Variants in GLRB observed in about 807,000 individuals in gnomAD.
GLRB encodes the protein glycine receptor beta.
Under a neutral mutation model 54.2 loss-of-function variants are expected in GLRB, and 33 were observed. The ratio of observed to expected loss-of-function variants is 0.61; its 90% CI spans 0.46 to 0.81. GLRB has a LOEUF of 0.81. Among genes scored for constraint, GLRB ranks in the 40% least tolerant of loss-of-function variants. The probability of loss-of-function intolerance (pLI) is 0.00; values close to 1 mark genes in which losing one functional copy is unlikely to be tolerated. For synonymous variants in GLRB, 209 were observed against 208.2 expected, an observed-to-expected ratio of 1.00 and a Z score of -0.03; for missense variants, 572 against 584.6, an observed-to-expected ratio of 0.98 and a Z score of 0.22.
At chr4:157,154,497 G>A (rs943324820) in intron 9 of GLRB, among the ~76,000 whole-genome samples, 5 of 137,022 alleles carry the variant, frequency 3.6e-5, no homozygotes, top group Admixed American at 8.1e-5. Context: ...GCGTGATCTC[G>A]GCTCACCGCA....
intron 2 of GLRB, among the ~76,000 whole-genome samples, chr4:157,119,609 AT>A (rs754212752): frequency 1.1e-4 from 16 of 151,644 alleles, no homozygotes; most frequent in Non-Finnish European, 2.4e-4. Context: ...AAATATATAT[AT>A]TTTTAATAAC....
At chr4:157,167,614 G>A (rs1255103046) in intron 9 of GLRB, among the ~76,000 whole-genome samples, 2 of 152,196 alleles carry the variant, frequency 1.3e-5, no homozygotes, top group Non-Finnish European at 2.9e-5. Context: ...CTGTGTGTGT[G>A]TGCATTTCCT....
chr4:157,080,637 T>TA (rs1734189708), intron 2 of GLRB, among the ~76,000 whole-genome samples: 1 of 152,182 alleles, frequency 6.6e-6, no homozygotes, highest in Non-Finnish European at 1.5e-5. Flanking sequence ...CAGAGAATGA[T>TA]CCAGTTTGCT....
Position 157,121,961 on chromosome 4 carries a change from C to G in GLRB, c.230-369C>G, listed in dbSNP as rs549810277. Among the ~76,000 whole-genome samples, 3 of 150,260 alleles carry G rather than the reference C, an allele frequency of 2.0e-5. No individual in the cohort carries two copies. In the South Asian group the frequency reaches 6.3e-4, roughly 32 times the overall value. ...TTAGAAAAATGCAAAAAAATGAAACCCTGTTTTCAAAATGATTCTTTAAGA... is the reference window on the plus strand; with the variant it reads ...TTAGAAAAATGCAAAAAAATGAAACGCTGTTTTCAAAATGATTCTTTAAGA... On this transcript the variant is annotated intron_variant, in intron 3 of 9. Coordinates refer to ENST00000264428, the MANE Select transcript of GLRB (RefSeq NM_000824.5).
At chr4:157,137,512 T>G (rs1484899734) in intron 6 of GLRB, among the ~76,000 whole-genome samples, 1 of 151,726 alleles carries the variant, frequency 6.6e-6, no homozygotes, top group Non-Finnish European at 1.5e-5. Flanking sequence ...GCAAGGAATG[T>G]TTAGCCTGAA....
At chr4:157,079,073 C>T (rs947644275) in intron 2 of GLRB, among the ~76,000 whole-genome samples, 5 of 152,076 alleles carry the variant, frequency 3.3e-5, no homozygotes, top group Admixed American at 3.3e-4. Flanking sequence ...CGCACCTGGC[C>T]AAGTCTTTTT....
chr4:157,105,262 A>G (rs971765592), intron 2 of GLRB, among the ~76,000 whole-genome samples: 1 of 151,636 alleles, frequency 6.6e-6, no homozygotes, highest in Admixed American at 6.6e-5. Context: ...GTATTTTCTA[A>G]TTTTAATATT....
intron 2 of GLRB, among the ~76,000 whole-genome samples, chr4:157,096,256 C>A (rs72978496): frequency 0.086 from 13,152 of 152,144 alleles, 753 homozygotes; most frequent in African/African-American, 0.17. Flanking sequence ...AAATCAAGCT[C>A]AGATTTTGAT....
chr4:157,152,281 G>A (rs952340725), intron 8 of GLRB, among the ~76,000 whole-genome samples: 2 of 151,654 alleles, frequency 1.3e-5, no homozygotes, highest in Admixed American at 6.6e-5. Flanking sequence ...TATATGTTCT[G>A]TTCTTGCTCT....
At chr4:157,091,780 G>A (rs1220552023) in intron 2 of GLRB, among the ~76,000 whole-genome samples, 3 of 152,090 alleles carry the variant, frequency 2.0e-5, no homozygotes, top group African/African-American at 7.2e-5. Context: ...CTGCCATGCT[G>A]CACTTCTTGG....
chr4:157,166,101 G>T (rs2126631005), intron 9 of GLRB, among the ~76,000 whole-genome samples: 1 of 151,294 alleles, frequency 6.6e-6, no homozygotes, highest in East Asian at 1.9e-4. Context: ...AGAGGCTAAA[G>T]TTGGAGGCAT....
intron 4 of GLRB, among the ~76,000 whole-genome samples, chr4:157,124,255 G>A (rs1183259822): frequency 6.6e-6 from 1 of 151,602 alleles, no homozygotes; most frequent in Non-Finnish European, 1.5e-5. Flanking sequence ...CTTTACCCTT[G>A]CTTTTTATTC....
At chr4:157,130,645 A>G (rs925910585) in intron 4 of GLRB, among the ~76,000 whole-genome samples, 3 of 151,562 alleles carry the variant, frequency 2.0e-5, no homozygotes, top group South Asian at 4.1e-4. Flanking sequence ...TTATTTGTTT[A>G]TCTGTTAATG....
chr4:157,095,503 G>A (rs183766357), intron 2 of GLRB, among the ~76,000 whole-genome samples: 6 of 152,136 alleles, frequency 3.9e-5, no homozygotes, highest in East Asian at 1.9e-4. Flanking sequence ...TAGGCTGGAG[G>A]TATACATTTA....
At chr4:157,135,675 A>G (rs1377032504) in intron 4 of GLRB, among the ~76,000 whole-genome samples, 1 of 152,130 alleles carries the variant, frequency 6.6e-6, no homozygotes, top group Non-Finnish European at 1.5e-5. Flanking sequence ...ATTCTTAGGT[A>G]TGTCTTTATT....
intron 2 of GLRB, among the ~76,000 whole-genome samples, chr4:157,113,692 A>G (rs1180260324): frequency 6.7e-6 from 1 of 150,328 alleles, no homozygotes; most frequent in Non-Finnish European, 1.5e-5. Context: ...AGGCTACAAC[A>G]GTTCCTGAAA....
chr4:157,122,318 T>A lies in GLRB; in HGVS notation c.230-12T>A, dbSNP rs1735855424. On this transcript the variant is annotated splice_polypyrimidine_tract_variant and intron_variant, in intron 3 of 9. Transcript: ENST00000264428. ...TACAGCTAATAAATATATTCTTAAT[T>A]TTTATTCATAGGCATTCCTGTTGAT... The A allele has an allele frequency of 8.9e-7, 1 of 1,127,504 alleles. No homozygotes were observed. Among genetic ancestry groups the A allele is most frequent in the Non-Finnish European group, 1.3e-6 (1 of 754,748 alleles). The allele number at this position is 1,127,504 out of a possible 1,614,324, so 69.8% of individuals were successfully genotyped here.
chr4:157,088,700 A>G (rs995850487), intron 2 of GLRB, among the ~76,000 whole-genome samples: 16 of 152,292 alleles, frequency 1.1e-4, no homozygotes, highest in African/African-American at 3.8e-4. Flanking sequence ...TAGCAAAAAA[A>G]GAACTTTTTT....
chr4:157,170,572 C>T lies in GLRB; in HGVS notation c.1338C>T (p.Asn446=), dbSNP rs757748175. The change falls in exon 10 of 10, where the codon AAC becomes AAT. Residue 446 remains asparagine (N), a synonymous_variant. Coordinates refer to ENST00000264428, the MANE Select transcript of GLRB (RefSeq NM_000824.5). The part of the protein sequence containing the change: ...DCYGKPIEVN[N]GLGKSQAKNN... ...ATGGAAAACCCATTGAAGTTAACAACGGACTTGGGAAATCTCAGGCTAAGA... is the reference window on the plus strand; with the variant it reads ...ATGGAAAACCCATTGAAGTTAACAATGGACTTGGGAAATCTCAGGCTAAGA... 125 of 1,613,160 alleles carry T rather than the reference C, an allele frequency of 7.7e-5. No individual in the cohort carries two copies. The highest frequency in any genetic ancestry group is 1.0e-4 in the Non-Finnish European group (118 of 1,179,408).
Sources: allele counts gnomAD v4.1 joint callset (sites outside exome capture counted in the v4.1 genomes callset), GRCh38; gene constraint gnomAD v4.1.1; transcripts MANE v1.5; gene names NCBI Gene and HGNC (gene_info 2026-07-23, HGNC 2026-07-21).